The following EFL1 variants were observed in gnomAD, a reference collection of about 807,000 sequenced individuals.
EFL1 encodes elongation factor-like GTPase 1.
A neutral mutation model predicts 126.7 loss-of-function variants in EFL1; 76 were observed. The ratio of observed to expected loss-of-function variants is 0.60; its 90% CI spans 0.50 to 0.73. The LOEUF is 0.73. EFL1 is among the 30% of genes least tolerant of loss of function. The probability of loss-of-function intolerance (pLI) is 0.00; values close to 1 mark genes in which losing one functional copy is unlikely to be tolerated. For missense variants in EFL1, 1,128 were observed against 1,343.2 expected (o/e 0.84, Z 2.50); for synonymous variants, 410 against 448.4 (o/e 0.91, Z 1.08).
intron 15 of EFL1, among the ~76,000 whole-genome samples, chr15:82,176,118 G>A (rs779260072): frequency 3.9e-4 from 60 of 152,222 alleles, no homozygotes; most frequent in Non-Finnish European, 8.2e-4. Context: ...ATGGTTCTAA[G>A]TCAACCAGAT....
At chr15:82,149,449 G>A (rs149724961) in intron 18 of EFL1, among the ~76,000 whole-genome samples, 1,659 of 152,256 alleles carry the variant, frequency 0.011, 10 homozygotes, top group Non-Finnish European at 0.016. Context: ...GAATTAATGA[G>A]AAGACGTAAT....
At chr15:82,189,054 A>G (rs1428790293) in intron 15 of EFL1, among the ~76,000 whole-genome samples, 1 of 152,090 alleles carries the variant, frequency 6.6e-6, no homozygotes, top group African/African-American at 2.4e-5. Flanking sequence ...ATACTTACAC[A>G]CAAATTTAGA....
intron 13 of EFL1, 99 bp from the exon 14 acceptor site, chr15:82,219,917 A>G: frequency 1.3e-6 from 2 of 1,493,854 alleles, no homozygotes; most frequent in Non-Finnish European, 1.8e-6. Flanking sequence ...TCTTTCGTCA[A>G]GTTTCAGGAA....
intron 18 of EFL1, among the ~76,000 whole-genome samples, chr15:82,142,179 C>T (rs2073796408): frequency 6.6e-6 from 1 of 152,154 alleles, no homozygotes; most frequent in Admixed American, 6.5e-5. Flanking sequence ...TCTGTTCCAT[C>T]ATGATCACTT....
At chr15:82,182,550 G>A (rs1328094687) in intron 15 of EFL1, among the ~76,000 whole-genome samples, 4 of 152,146 alleles carry the variant, frequency 2.6e-5, no homozygotes, top group South Asian at 2.1e-4. Context: ...CAGGCTGGGC[G>A]CGGTGGCTCA....
rs1412817232 is a variant in EFL1 at position 82,261,724 on chromosome 15, T to G, written c.55A>C (p.Ile19Leu). 1 of 1,614,008 alleles carries G rather than the reference T, an allele frequency of 6.2e-7. No individual in the cohort carries two copies. Among genetic ancestry groups the G allele is most frequent in the Non-Finnish European group, 8.5e-7 (1 of 1,180,032 alleles). ...MIQLQKNTAN[I>L]RNICVLAHVD... ...TGAGCCAAAACACAAATATTCCTGA[T>G]GTTGGCAGTGTTTTTCTGGAGTTGA... The change falls in exon 2 of 20, where the codon ATC becomes CTC. Residue 19 changes from isoleucine (I) to leucine (L), a missense_variant. This residue lies in a region of EFL1 where 118 missense variants were observed against 188.1 expected (regional missense o/e 0.63). Transcript: ENST00000268206.
At chr15:82,187,829 T>G (rs1300102117) in intron 15 of EFL1, among the ~76,000 whole-genome samples, 2 of 152,128 alleles carry the variant, frequency 1.3e-5, no homozygotes, top group African/African-American at 4.8e-5. Context: ...TTTTACCTAC[T>G]TAATCTACTT....
At chr15:82,139,981 G>C (rs1165329031) in intron 18 of EFL1, among the ~76,000 whole-genome samples, 1 of 152,102 alleles carries the variant, frequency 6.6e-6, no homozygotes, top group Non-Finnish European at 1.5e-5. Context: ...TTTCCCCCTA[G>C]TGGCGGTTAT....
At chr15:82,190,061 G>A (rs543571640) in intron 15 of EFL1, among the ~76,000 whole-genome samples, 1 of 150,552 alleles carries the variant, frequency 6.6e-6, no homozygotes, top group South Asian at 2.1e-4. Flanking sequence ...AGGTTGCAGT[G>A]AGCCAAGATC....
chr15:82,175,710 C>T (rs1416416214), intron 15 of EFL1, among the ~76,000 whole-genome samples: 2 of 151,946 alleles, frequency 1.3e-5, no homozygotes, highest in African/African-American at 2.4e-5. Flanking sequence ...AAAAATTAGC[C>T]GGCAAGGTGG....
chr15:82,255,672 G>A (rs2075060530), intron 3 of EFL1, among the ~76,000 whole-genome samples: 1 of 152,132 alleles, frequency 6.6e-6, no homozygotes, highest in African/African-American at 2.4e-5. Flanking sequence ...TGTGTGTGGT[G>A]TTAACTAGAG....
At chr15:82,187,026 A>G (rs904814418) in intron 15 of EFL1, among the ~76,000 whole-genome samples, 4 of 152,200 alleles carry the variant, frequency 2.6e-5, no homozygotes. Flanking sequence ...AGACATTACC[A>G]TGCCCTTTGG....
At chr15:82,182,757 A>G (rs1351637285) in intron 15 of EFL1, among the ~76,000 whole-genome samples, 1 of 151,982 alleles carries the variant, frequency 6.6e-6, no homozygotes, top group Non-Finnish European at 1.5e-5. Flanking sequence ...CCTGGGAGGC[A>G]GAGCTTGCAG....
At chr15:82,186,079 TG>T (rs1392379387) in intron 15 of EFL1, among the ~76,000 whole-genome samples, 3 of 152,152 alleles carry the variant, frequency 2.0e-5, no homozygotes, top group Non-Finnish European at 4.4e-5. Context: ...TCTTTTTTTT[TG>T]TAAGGGGGGA....
At chr15:82,165,589 C>T (rs2074071218) in intron 15 of EFL1, among the ~76,000 whole-genome samples, 1 of 152,216 alleles carries the variant, frequency 6.6e-6, no homozygotes. Context: ...CACCTCGCTA[C>T]ATTAACAGAT....
intron 8 of EFL1, among the ~76,000 whole-genome samples, chr15:82,229,713 TA>T (rs1298599123): frequency 6.6e-6 from 1 of 151,644 alleles, no homozygotes; most frequent in African/African-American, 2.4e-5. Context: ...TGCTCAGTTT[TA>T]AAAAAAAGCA....
At position 82,151,389 on chromosome 15, in the gene EFL1, A is replaced by G; in HGVS notation, c.2989+76T>C. On this transcript the variant is annotated intron_variant, in intron 18 of 19. Transcript: ENST00000268206. ...GGCGACAGAATGAGACCCTGTCTCA[A>G]AAACAAGATTTTGAGTCTAGGAGAC... The G allele has an allele frequency of 3.5e-6, 5 of 1,423,672 alleles. No homozygotes were observed. In the East Asian group the frequency reaches 1.1e-4, roughly 33 times the overall value. 88.2% of individuals were successfully genotyped at this position (1,423,672 alleles called of 1,614,324 possible).
chr15:82,205,924 T>A (rs963828994), intron 15 of EFL1, among the ~76,000 whole-genome samples: 38 of 152,184 alleles, frequency 2.5e-4, no homozygotes, highest in African/African-American at 8.9e-4. Flanking sequence ...AACAGACACA[T>A]CTTAAGTTGT....
At chr15:82,238,710 A>G (rs1457007716) in intron 6 of EFL1, among the ~76,000 whole-genome samples, 189 bp from the exon 7 acceptor site, 3 of 152,194 alleles carry the variant, frequency 2.0e-5, no homozygotes, top group East Asian at 1.9e-4. Context: ...TAAACTCAGC[A>G]TAACTAAATT....
Sources: gnomAD v4.1 joint callset for allele counts (sites outside exome capture counted in the v4.1 genomes callset) on GRCh38, gnomAD v4.1.1 for gene constraint, gnomAD v4.1.1 regional missense constraint, MANE v1.5 for transcripts, NCBI Gene and HGNC (gene_info 2026-07-23, HGNC 2026-07-21) for gene names.